FDFT1: variants seen among roughly 807,000 people sequenced by gnomAD.
The protein encoded by FDFT1 is farnesyl-diphosphate farnesyltransferase 1, also known as squalene synthase.
FDFT1 carries 68 observed loss-of-function variants against 46.8 expected under a neutral mutation model. The observed-to-expected ratio is 1.45, with a 90% confidence interval of 1.19 to 1.78. FDFT1 has a LOEUF of 1.78. Ranked by LOEUF, FDFT1 falls within the 40% of genes most tolerant of loss-of-function variation. The probability of loss-of-function intolerance (pLI) is 0.00; values close to 1 mark genes in which losing one functional copy is unlikely to be tolerated. For synonymous variants in FDFT1, 351 were observed against 185.1 expected (o/e 1.90, Z -7.28); for missense variants, 928 against 524.4 (o/e 1.77, Z -7.52).
intron 3 of FDFT1, among the ~76,000 whole-genome samples, chr8:11,817,587 G>C (rs941020952): frequency 6.6e-6 from 1 of 152,178 alleles, no homozygotes; most frequent in Non-Finnish European, 1.5e-5. Flanking sequence ...TCCTGGTTTA[G>C]TCTTGGGAGA....
intron 7 of FDFT1, 92 bp from the exon 8 acceptor site, chr8:11,838,296 T>C: frequency 1.1e-6 from 1 of 942,350 alleles, no homozygotes; most frequent in Non-Finnish European, 1.7e-6. Context: ...GTAAAATGGG[T>C]ATAAAATACC....
rs942902227 is a variant in FDFT1, at chr8:11,809,167, A to C, written c.197+276A>C. 8 of 1,282,540 alleles carry C rather than the reference A, an allele frequency of 6.2e-6. No homozygotes were observed. In the African/African-American group the frequency reaches 1.1e-4, roughly 17 times the overall value. 79.4% of individuals were successfully genotyped at this position (1,282,540 alleles called of 1,614,324 possible). ...GTCTTGGCAGCTGAACCTGCCTGTG[A>C]GCAGGTCGTGTATTTCTCGGCTTCC... On this transcript the variant is annotated intron_variant, in intron 2 of 7. Transcript: ENST00000220584.
chr8:11,802,571 C>A, upstream of FDFT1: 1 of 616,652 alleles, frequency 1.6e-6, no homozygotes, highest in Non-Finnish European at 3.0e-6. Context: ...CCTTCCGCGA[C>A]TGATTGGCCG....
intron 3 of FDFT1, among the ~76,000 whole-genome samples, chr8:11,814,698 G>A (rs1041025883): frequency 6.6e-6 from 1 of 152,186 alleles, no homozygotes; most frequent in Non-Finnish European, 1.5e-5. Context: ...TATGGAAAAA[G>A]TATTGGGCAG....
intron 4 of FDFT1, among the ~76,000 whole-genome samples, chr8:11,823,578 C>T (rs1384415652): frequency 2.0e-5 from 3 of 151,594 alleles, no homozygotes; most frequent in East Asian, 1.9e-4. Context: ...CAGTCAGAGA[C>T]GACTTTTTTT....
chr8:11,797,946 T>G (rs947030668), upstream of FDFT1: 5 of 152,244 alleles, frequency 3.3e-5, no homozygotes, highest in African/African-American at 1.2e-4. Flanking sequence ...CAACAAAGGA[T>G]GTAGATGCCA....
rs1463991829 is a variant in FDFT1 at position 11,802,922 on chromosome 8, G to A, written c.90G>A (p.Lys30=). 2.4e-5 allele frequency: 39 copies of A among 1,608,192 alleles called. No homozygotes were observed. Among genetic ancestry groups the A allele is most frequent in the Non-Finnish European group, 3.1e-5 (37 of 1,177,370 alleles). The stretch of plus-strand genomic sequence containing the variant: ...GGGGCAAGCGGAAGGTGATGCCCAA[G>A]ATGGACCAGGTGGGCCGAGCCTCCC... The part of the protein sequence containing the change: ...RIGGKRKVMP[K]MDQDSLSSSL... Residue 30 remains lysine, a synonymous_variant, in exon 1 of 8, where the codon AAG becomes AAA. Coordinates refer to ENST00000220584, the MANE Select transcript of FDFT1 (RefSeq NM_004462.5).
chr8:11,827,518 GA>G (rs34268467), intron 5 of FDFT1, among the ~76,000 whole-genome samples: 142 of 136,290 alleles, frequency 1.0e-3, no homozygotes, highest in Middle Eastern at 3.7e-3. Flanking sequence ...ACTGTCTCAA[GA>G]AAAAAAAAAA....
intron 3 of FDFT1, among the ~76,000 whole-genome samples, chr8:11,812,046 AAG>A (rs1807788253): frequency 6.6e-6 from 1 of 152,180 alleles, no homozygotes; most frequent in African/African-American, 2.4e-5. Context: ...AGTAGTGTGA[AAG>A]AGGACTGATA....
At chr8:11,837,102 G>C (rs947343008) in intron 7 of FDFT1, among the ~76,000 whole-genome samples, 7 of 152,258 alleles carry the variant, frequency 4.6e-5, no homozygotes, top group Admixed American at 4.6e-4. Context: ...GTTGAGACTT[G>C]GGGGCCTAGG....
chr8:11,808,892 G>A lies in FDFT1; in HGVS notation c.197+1G>A. On this transcript the variant is annotated splice_donor_variant, in intron 2 of 7. Coordinates refer to ENST00000220584, the MANE Select transcript of FDFT1 (RefSeq NM_004462.5). LOFTEE classifies it high-confidence loss of function. ...TCCAGGCGCTGGATGGGGAAATGCGGTGAGTGATGGAGGCAGCGCCTCTGG... is the reference window on the plus strand; with the variant it reads ...TCCAGGCGCTGGATGGGGAAATGCGATGAGTGATGGAGGCAGCGCCTCTGG... 1 of 1,613,142 alleles carries A rather than the reference G, an allele frequency of 6.2e-7. No individual in the cohort carries two copies. Among genetic ancestry groups the A allele is most frequent in the Non-Finnish European group, 8.5e-7 (1 of 1,179,640 alleles).
At chr8:11,831,214 C>T (rs192202709) in intron 6 of FDFT1, among the ~76,000 whole-genome samples, 1 of 152,170 alleles carries the variant, frequency 6.6e-6, no homozygotes, top group African/African-American at 2.4e-5. Context: ...TAATCCATTG[C>T]TCTAGCATGG....
At chr8:11,804,842 C>T (rs560806469) in intron 1 of FDFT1, among the ~76,000 whole-genome samples, 1 of 151,156 alleles carries the variant, frequency 6.6e-6, no homozygotes, top group East Asian at 1.9e-4. Context: ...CTCTTGACCT[C>T]AAGTGATCTG....
At chr8:11,809,309 T>C (rs1807373904) in intron 2 of FDFT1, 2 of 1,093,048 alleles carry the variant, frequency 1.8e-6, no homozygotes. Context: ...ATCGTATTTA[T>C]ACTGAGAAGT....
At chr8:11,825,271 G>T (rs971685195) in intron 4 of FDFT1, among the ~76,000 whole-genome samples, 3 of 152,068 alleles carry the variant, frequency 2.0e-5, no homozygotes, top group African/African-American at 7.2e-5. Flanking sequence ...GGCGGGCACG[G>T]TGTCTTGGGC....
intron 5 of FDFT1, among the ~76,000 whole-genome samples, chr8:11,828,474 G>C (rs1227843311): frequency 6.6e-6 from 1 of 152,248 alleles, no homozygotes; most frequent in Non-Finnish European, 1.5e-5. Flanking sequence ...TAGTGAGGCA[G>C]TGGCTGCCTT....
At chr8:11,824,627 C>G (rs1247423937) in intron 4 of FDFT1, among the ~76,000 whole-genome samples, 1 of 151,870 alleles carries the variant, frequency 6.6e-6, no homozygotes, top group Non-Finnish European at 1.5e-5. Context: ...CAATGTTGGG[C>G]AAGTTAAATC....
At chr8:11,835,390 G>A (rs537925527) in intron 7 of FDFT1, among the ~76,000 whole-genome samples, 1 of 152,186 alleles carries the variant, frequency 6.6e-6, no homozygotes, top group Admixed American at 6.5e-5. Flanking sequence ...AGTGACTGCA[G>A]CTCTTCCAGT....
At chr8:11,809,349 T>G in intron 2 of FDFT1, 1 of 1,110,526 alleles carries the variant, frequency 9.0e-7, no homozygotes, top group Non-Finnish European at 1.1e-6. Flanking sequence ...CTTTTCTATT[T>G]GCTACATATT....
Sources: allele counts gnomAD v4.1 joint callset (sites outside exome capture counted in the v4.1 genomes callset), GRCh38; gene constraint gnomAD v4.1.1; transcripts MANE v1.5; gene names NCBI Gene and HGNC (gene_info 2026-07-23, HGNC 2026-07-21).